Variants in OXR1 observed in about 807,000 individuals in gnomAD.
OXR1 encodes the protein oxidation resistance protein 1.
Under a neutral mutation model 104.6 loss-of-function variants are expected in OXR1, and 41 were observed. The observed-to-expected ratio is 0.39, with a 90% CI of 0.31 to 0.51. OXR1 has a LOEUF of 0.51. Among genes scored for constraint, OXR1 ranks in the 20% least tolerant of loss-of-function variants. The pLI, the probability that OXR1 is intolerant of heterozygous loss-of-function variation, is 0.77. For missense variants in OXR1, 955 were observed against 1,031.9 expected (o/e 0.93, Z 1.02); for synonymous variants, 348 against 348.4 (o/e 1.00, Z 0.01).
In OXR1 at chr8:106,444,004, A is replaced by G. The variant is rs1819902179; in HGVS notation, c.24-74939A>G. 2.0e-5 allele frequency among the ~76,000 whole-genome samples: 3 copies of G among 152,312 alleles called. No individual in the cohort carries two copies. In the South Asian group the frequency reaches 6.2e-4, roughly 32 times the overall value. On this transcript the variant is annotated intron_variant, in intron 2 of 16. Transcript: ENST00000517566. ...ACTTAAACATATTTACAAGAAAAAA[A>G]CAAACAACTCCATCAAAACTGGATA...
intron 1 of OXR1, among the ~76,000 whole-genome samples, chr8:106,271,462 G>C (rs1371612127): frequency 6.6e-6 from 1 of 152,048 alleles, no homozygotes; most frequent in Non-Finnish European, 1.5e-5. Flanking sequence ...ACAGGAATTC[G>C]TGGTCTGGCC....
chr8:106,315,039 G>GT (rs36033766), intron 1 of OXR1, among the ~76,000 whole-genome samples: 7,456 of 148,354 alleles, frequency 0.05, 405 homozygotes, highest in African/African-American at 0.13. Flanking sequence ...CAGAGGTTTA[G>GT]TTTTTTTTTT....
chr8:106,625,176 T>G (rs1193363122), intron 3 of OXR1, among the ~76,000 whole-genome samples: 12 of 152,164 alleles, frequency 7.9e-5, no homozygotes, highest in Admixed American at 6.5e-4. Context: ...TCAACTCCCC[T>G]TCCCTCCCCA....
At chr8:106,329,038 C>T (rs565176863) in intron 1 of OXR1, among the ~76,000 whole-genome samples, 19 of 152,280 alleles carry the variant, frequency 1.2e-4, no homozygotes, top group African/African-American at 4.1e-4. Context: ...GTTGCCCAGG[C>T]TGGAGTGCAG....
intron 1 of OXR1, among the ~76,000 whole-genome samples, chr8:106,320,440 C>CT (rs1814167957): frequency 6.6e-6 from 1 of 152,122 alleles, no homozygotes; most frequent in South Asian, 2.1e-4. Flanking sequence ...ATAACTTACC[C>CT]TTTAACATTT....
chr8:106,424,593 C>T (rs1819034041), intron 2 of OXR1, among the ~76,000 whole-genome samples: 1 of 152,074 alleles, frequency 6.6e-6, no homozygotes, highest in South Asian at 2.1e-4. Flanking sequence ...GACCATACAT[C>T]TGACAAAATT....
At chr8:106,702,345 G>A (rs556421587) in intron 7 of OXR1, among the ~76,000 whole-genome samples, 13 of 152,226 alleles carry the variant, frequency 8.5e-5, no homozygotes, top group African/African-American at 3.1e-4. Flanking sequence ...TACTTTAGAT[G>A]TCATATAATC....
At chr8:106,394,070 A>C (rs2130452140) in intron 2 of OXR1, among the ~76,000 whole-genome samples, 1 of 152,126 alleles carries the variant, frequency 6.6e-6, no homozygotes, top group South Asian at 2.1e-4. Context: ...GCAGACCATA[A>C]CTGTTGTACA....
At chr8:106,419,062 T>C (rs1818795979) in intron 2 of OXR1, among the ~76,000 whole-genome samples, 1 of 152,176 alleles carries the variant, frequency 6.6e-6, no homozygotes, top group Non-Finnish European at 1.5e-5. Flanking sequence ...ATGGTTTTCA[T>C]TGATGGCATC....
chr8:106,624,682 T>C (rs1231055945), intron 3 of OXR1, among the ~76,000 whole-genome samples: 1 of 152,222 alleles, frequency 6.6e-6, no homozygotes, highest in Non-Finnish European at 1.5e-5. Flanking sequence ...CCATTATTTA[T>C]TGTAGAAAAT....
intron 11 of OXR1, among the ~76,000 whole-genome samples, chr8:106,729,063 C>T (rs190965739): frequency 1.3e-5 from 2 of 152,094 alleles, no homozygotes; most frequent in Non-Finnish European, 2.9e-5. Context: ...GTGACTTCAG[C>T]CTGAGATAAT....
At chr8:106,483,603 A>G (rs1563552168) in intron 2 of OXR1, among the ~76,000 whole-genome samples, 1 of 152,080 alleles carries the variant, frequency 6.6e-6, no homozygotes, top group African/African-American at 2.4e-5. Flanking sequence ...ATTAGTTTGC[A>G]TATGGTCCAA....
intron 1 of OXR1, among the ~76,000 whole-genome samples, chr8:106,350,779 A>G (rs1389293363): frequency 1.3e-5 from 2 of 152,350 alleles, no homozygotes; most frequent in Admixed American, 6.5e-5. Flanking sequence ...CAATTGTTCT[A>G]GAGAGACACA....
At chr8:106,466,556 A>G (rs1289378732) in intron 2 of OXR1, among the ~76,000 whole-genome samples, 3 of 151,922 alleles carry the variant, frequency 2.0e-5, no homozygotes, top group African/African-American at 7.2e-5. Context: ...AACTTAATTT[A>G]TAAGAATGTA....
intron 3 of OXR1, among the ~76,000 whole-genome samples, chr8:106,547,492 C>CTTTTTTTTTTTTTTT (rs60073341): frequency 6.9e-5 from 8 of 116,574 alleles, no homozygotes; most frequent in African/African-American, 1.3e-4. Flanking sequence ...TTCTTTCTTT[C>CTTTTTTTTTTTTTTT]TTTTTTTTTT....
chr8:106,661,242 G>T (rs1825732216), intron 3 of OXR1, among the ~76,000 whole-genome samples: 1 of 152,110 alleles, frequency 6.6e-6, no homozygotes, highest in Admixed American at 6.6e-5. Flanking sequence ...TTTCTATAAA[G>T]AAACCACTTA....
At chr8:106,435,103 A>C (rs1819515668) in intron 2 of OXR1, among the ~76,000 whole-genome samples, 1 of 152,184 alleles carries the variant, frequency 6.6e-6, no homozygotes, top group African/African-American at 2.4e-5. Context: ...CTGTGCAGAC[A>C]TCCGGTGACA....
intron 2 of OXR1, among the ~76,000 whole-genome samples, chr8:106,394,882 T>C (rs1817715243): frequency 6.6e-6 from 1 of 152,052 alleles, no homozygotes; most frequent in South Asian, 2.1e-4. Context: ...GCATCGTGAG[T>C]GTGAACTTTA....
At chr8:106,583,057 G>A (rs1366150712) in intron 3 of OXR1, among the ~76,000 whole-genome samples, 1 of 151,864 alleles carries the variant, frequency 6.6e-6, no homozygotes, top group Admixed American at 6.6e-5. Flanking sequence ...TTAGGAGGGA[G>A]TTTTTTTTGA....
Sources: allele counts gnomAD v4.1 joint callset (sites outside exome capture counted in the v4.1 genomes callset), GRCh38; gene constraint gnomAD v4.1.1; transcripts MANE v1.5; gene names NCBI Gene and HGNC (gene_info 2026-07-23, HGNC 2026-07-21).